The following PDAP1 variants were observed in gnomAD, a reference collection of about 807,000 sequenced individuals.
The protein encoded by PDAP1 is PDGFA associated protein 1.
PDAP1 carries 13 observed loss-of-function variants against 28.0 expected under a neutral mutation model. The observed-to-expected ratio is 0.46, with a 90% CI of 0.30 to 0.74. The LOEUF (loss-of-function observed/expected upper bound fraction) is 0.74, where lower values mean the gene tolerates loss of function less well. Among genes scored for constraint, PDAP1 ranks in the 30% least tolerant of loss-of-function variants. PDAP1 has a pLI of 0.07. For synonymous variants in PDAP1, 77 were observed against 85.1 expected (o/e 0.91, Z 0.52); for missense variants, 150 against 230.0 (o/e 0.65, Z 2.25).
intron 4 of PDAP1, 118 bp from the exon 5 acceptor site, chr7:99,398,131 G>A: frequency 8.9e-7 from 1 of 1,124,332 alleles, no homozygotes; most frequent in Non-Finnish European, 1.3e-6. Flanking sequence ...GGGGTGCCCT[G>A]GCTGTGAGTC....
intron 3 of PDAP1, among the ~76,000 whole-genome samples, chr7:99,401,321 G>A (rs1274960079): frequency 6.6e-6 from 1 of 151,804 alleles, no homozygotes; most frequent in Non-Finnish European, 1.5e-5. Flanking sequence ...ACCATCCTAG[G>A]GCAAGCCACG....
intron 3 of PDAP1, among the ~76,000 whole-genome samples, chr7:99,401,449 C>CT (rs2150905346): frequency 6.6e-6 from 1 of 152,204 alleles, no homozygotes; most frequent in East Asian, 1.9e-4. Flanking sequence ...CTGCCTCAGC[C>CT]TGAGTATTTG....
At chr7:99,403,120 G>C (rs931530706) in intron 3 of PDAP1, among the ~76,000 whole-genome samples, 6 of 152,072 alleles carry the variant, frequency 3.9e-5, no homozygotes, top group Non-Finnish European at 5.9e-5. Context: ...TCACATAGCT[G>C]GCTGCATCTT....
intron 1 of PDAP1, among the ~76,000 whole-genome samples, chr7:99,407,714 GA>G (rs1431559558): frequency 6.6e-6 from 1 of 152,186 alleles, no homozygotes; most frequent in African/African-American, 2.4e-5. Context: ...CAGGGCCACA[GA>G]ATTAGACGTG....
Position 99,404,859 on chromosome 7 carries a change from C to T in PDAP1, c.105+3G>A, listed in dbSNP as rs1326449429. ...GGCGTGGCCTGGACAGGCACGTACTCACCCTGGCCTTCTGCTTCTCAGCCT... is the reference window on the plus strand; with the variant it reads ...GGCGTGGCCTGGACAGGCACGTACTTACCCTGGCCTTCTGCTTCTCAGCCT... On this transcript the variant is annotated splice_donor_region_variant and intron_variant, in intron 2 of 5. Coordinates refer to ENST00000350498, the MANE Select transcript of PDAP1 (RefSeq NM_014891.7). 2 of 1,610,654 alleles carry T rather than the reference C, an allele frequency of 1.2e-6. No homozygotes were observed. The highest frequency in any genetic ancestry group is 1.7e-6 in the Non-Finnish European group (2 of 1,178,602).
Position 99,400,301 on chromosome 7 carries a change from A to G in PDAP1, c.335+2T>C. On this transcript the variant is annotated splice_donor_variant, in intron 4 of 5. Coordinates refer to ENST00000350498, the MANE Select transcript of PDAP1 (RefSeq NM_014891.7). LOFTEE classifies it high-confidence loss of function. The stretch of plus-strand genomic sequence containing the variant: ...GACACAAGGCCCAGCCAGTGATGTT[A>G]CCGTTCTCTCCTCGAAAGCTCCTTT... 6.2e-7 allele frequency: 1 copy of G among 1,613,284 alleles called. No homozygotes were observed. The highest frequency in any genetic ancestry group is 8.5e-7 in the Non-Finnish European group (1 of 1,179,810).
At chr7:99,403,091 T>C (rs910734263) in intron 3 of PDAP1, among the ~76,000 whole-genome samples, 8 of 152,148 alleles carry the variant, frequency 5.3e-5, no homozygotes, top group African/African-American at 1.4e-4. Context: ...AGTTTCTCAA[T>C]TGCTCTGCAC....
At chr7:99,401,431 C>G (rs940632701) in intron 3 of PDAP1, among the ~76,000 whole-genome samples, 4 of 152,006 alleles carry the variant, frequency 2.6e-5, no homozygotes, top group Admixed American at 1.3e-4. Context: ...TGGGTTCAAG[C>G]AATTCTCCTG....
At chr7:99,400,260 G>A in intron 4 of PDAP1, 43 bp downstream of exon 4, 1 of 1,609,718 alleles carries the variant, frequency 6.2e-7, no homozygotes, top group Non-Finnish European at 8.5e-7. Context: ...GCCAACTGCT[G>A]GCCTGTATTC....
chr7:99,397,304 T>C (rs775633236), intron 5 of PDAP1, among the ~76,000 whole-genome samples: 32 of 152,138 alleles, frequency 2.1e-4, no homozygotes, highest in Non-Finnish European at 4.3e-4. Flanking sequence ...ATGTTGCAAG[T>C]TGAATGCTCC....
intron 2 of PDAP1, among the ~76,000 whole-genome samples, chr7:99,404,320 C>T (rs1012589096): frequency 2.6e-5 from 4 of 152,242 alleles, no homozygotes; most frequent in East Asian, 1.9e-4. Flanking sequence ...TATTCTATTT[C>T]CTAACGGTGG....
At chr7:99,400,571 G>T in intron 3 of PDAP1, 147 bp from the exon 4 acceptor site, 1 of 833,598 alleles carries the variant, frequency 1.2e-6, no homozygotes, top group Non-Finnish European at 1.9e-6. Context: ...AAGTCTCACA[G>T]TGGGTATAGC....
In PDAP1 at chr7:99,401,529, T is replaced by TTC. The variant is rs1794866391; in HGVS notation, c.214-1106_214-1105insGA. The stretch of plus-strand genomic sequence containing the variant: ...TAGTAGAGACAGGTTTTCTCCATGT[T>TTC]GGTCAGGCTGGTCTCGAAATCTCGA... On this transcript the variant is annotated intron_variant, in intron 3 of 5. Transcript: ENST00000350498. Among the ~76,000 whole-genome samples, 4 of 152,170 alleles carry TTC rather than the reference T, an allele frequency of 2.6e-5. No individual in the cohort carries two copies. In the South Asian group the frequency reaches 8.3e-4, roughly 32 times the overall value.
intron 1 of PDAP1, 38 bp downstream of exon 1, chr7:99,408,498 C>T: frequency 7.5e-7 from 1 of 1,337,540 alleles, no homozygotes; most frequent in South Asian, 1.8e-5. Context: ...CCTGGGCCGC[C>T]CCTCCAGGCC....
chr7:99,404,788 TG>T, intron 2 of PDAP1, 73 bp downstream of exon 2: 2 of 1,218,712 alleles, frequency 1.6e-6, no homozygotes, highest in Non-Finnish European at 2.4e-6. Context: ...AGTCCTTGCC[TG>T]GCCTCTCTAT....
rs1223056676 is a variant in PDAP1 at position 99,404,963 on chromosome 7, C to T, written c.14-10G>A. The T allele has an allele frequency of 6.2e-7, 1 of 1,610,578 alleles. No individual in the cohort carries two copies. The highest frequency in any genetic ancestry group is 1.7e-5 in the Admixed American group (1 of 59,996). Reference sequence around the variant, plus strand: ...TGGCCTCCCTTTCTTCCTGCAGAGACCCGCAGTTTAGGTGAGCGGAAGCAG... The same window carrying T: ...TGGCCTCCCTTTCTTCCTGCAGAGATCCGCAGTTTAGGTGAGCGGAAGCAG... On this transcript the variant is annotated splice_polypyrimidine_tract_variant and intron_variant, in intron 1 of 5. Transcript: ENST00000350498.
chr7:99,399,862 C>T (rs1449895757), intron 4 of PDAP1, among the ~76,000 whole-genome samples: 2 of 152,244 alleles, frequency 1.3e-5, no homozygotes, highest in Non-Finnish European at 2.9e-5. Context: ...ACAGGACTTG[C>T]AGAGGCCTGG....
rs1007122275 is a variant in PDAP1, at chr7:99,408,570, G to T, written c.-22C>A. 1.0e-5 allele frequency: 13 copies of T among 1,270,408 alleles called. No individual in the cohort carries two copies. Among genetic ancestry groups the T allele is most frequent in the African/African-American group, 6.2e-5 (4 of 64,786 alleles). The allele number at this position is 1,270,408 out of a possible 1,614,324, so 78.7% of individuals were successfully genotyped here. On this transcript the variant is annotated 5_prime_UTR_variant, in exon 1 of 6. Coordinates refer to ENST00000350498, the MANE Select transcript of PDAP1 (RefSeq NM_014891.7). ...GCATTGCGGCTCCGGCGGCTGCGGC[G>T]GCGGCGGCGGCGCCTCGAACTGACA...
At chr7:99,401,272 A>G (rs1794860608) in intron 3 of PDAP1, among the ~76,000 whole-genome samples, 1 of 152,080 alleles carries the variant, frequency 6.6e-6, no homozygotes, top group Non-Finnish European at 1.5e-5. Flanking sequence ...ACCCCCAAAT[A>G]CAGCTTAAAT....
Sources: gnomAD v4.1 joint callset for allele counts (sites outside exome capture counted in the v4.1 genomes callset) on GRCh38, gnomAD v4.1.1 for gene constraint, MANE v1.5 for transcripts, NCBI Gene and HGNC (gene_info 2026-07-23, HGNC 2026-07-21) for gene names.